SBF2: variants seen among roughly 807,000 people sequenced by gnomAD.
The protein encoded by SBF2 is myotubularin-related protein 13.
SBF2 carries 112 observed loss-of-function variants against 225.2 expected under a neutral mutation model. The observed-to-expected ratio is 0.50, with a 90% CI of 0.43 to 0.58. The LOEUF (loss-of-function observed/expected upper bound fraction) is 0.58. Ranked by LOEUF, SBF2 falls within the 20% of genes least tolerant of loss-of-function variation. The pLI is 0.00. For missense variants in SBF2, 1,996 were observed against 2,206.2 expected (o/e 0.90, Z 1.91); for synonymous variants, 763 against 773.3 (o/e 0.99, Z 0.22).
intron 2 of SBF2, among the ~76,000 whole-genome samples, chr11:10,090,764 C>CCAAAAAAAAAAAAAAAA (rs1951749539): frequency 4.5e-5 from 2 of 44,428 alleles, no homozygotes; most frequent in African/African-American, 1.8e-4. Context: ...GATTCCATCT[C>CCAAAAAAAAAAAAAAAA]AAAAAAAAAA....
intron 16 of SBF2, among the ~76,000 whole-genome samples, chr11:9,940,523 T>C (rs533941550): frequency 3.3e-5 from 5 of 152,328 alleles, no homozygotes; most frequent in Admixed American, 6.5e-5. Flanking sequence ...ACGTATACCA[T>C]TAGTAAGCAG....
intron 6 of SBF2, among the ~76,000 whole-genome samples, chr11:10,003,409 C>T (rs1948058231): frequency 6.7e-6 from 1 of 148,248 alleles, no homozygotes; most frequent in Non-Finnish European, 1.5e-5. Context: ...GCTCTGTCAT[C>T]GAGGTTGGAG....
intron 13 of SBF2, among the ~76,000 whole-genome samples, chr11:9,971,384 C>A (rs1299398979): frequency 6.6e-6 from 1 of 151,870 alleles, no homozygotes; most frequent in East Asian, 1.9e-4. Flanking sequence ...TTAGAAAAAG[C>A]AGGATGCATT....
At chr11:9,814,552 A>G (rs1156790264) in intron 29 of SBF2, among the ~76,000 whole-genome samples, 2 of 152,222 alleles carry the variant, frequency 1.3e-5, no homozygotes, top group Admixed American at 6.5e-5. Flanking sequence ...TTGTGACTGT[A>G]ATTTTATATA....
intron 1 of SBF2, among the ~76,000 whole-genome samples, chr11:10,269,009 T>C (rs1230393638): frequency 1.3e-5 from 2 of 152,196 alleles, no homozygotes; most frequent in African/African-American, 2.4e-5. Flanking sequence ...AAGTGATTTT[T>C]TTTTCCTAAT....
chr11:10,225,115 A>T (rs1958488064), intron 1 of SBF2, among the ~76,000 whole-genome samples: 1 of 152,182 alleles, frequency 6.6e-6, no homozygotes, highest in Non-Finnish European at 1.5e-5. Context: ...AAGTGAACAT[A>T]AAAACATTCC....
intron 2 of SBF2, among the ~76,000 whole-genome samples, chr11:10,181,608 A>T (rs1273875925): frequency 2.6e-5 from 4 of 152,100 alleles, no homozygotes; most frequent in Admixed American, 2.6e-4. Flanking sequence ...CTCCCTTTTT[A>T]GCTTTCATTA....
Position 10,000,921 on chromosome 11 carries a change from T to C in SBF2, c.854A>G (p.His285Arg), listed in dbSNP as rs146971151. Residue 285 changes from histidine (H) to arginine (R), a missense_variant, in exon 8 of 40, where the codon CAT (histidine) becomes CGT (arginine). Physicochemically the swap from His to Arg is conservative, Grantham distance 29. Coordinates refer to ENST00000256190, the MANE Select transcript of SBF2 (RefSeq NM_030962.4). ...GVHSVFKTDV[H>R]ELLDVIIADL... is the part of the protein sequence containing the mutation. ...TTAAAGATGAATACTTACAAGTTCA[T>C]GGACATCAGTTTTAAAGACAGAATG... The C allele has an allele frequency of 4.5e-6, 7 of 1,546,250 alleles. No individual in the cohort carries two copies. Among genetic ancestry groups the C allele is most frequent in the African/African-American group, 1.4e-5 (1 of 73,490 alleles).
At chr11:10,183,058 A>T (rs767519043) in intron 2 of SBF2, among the ~76,000 whole-genome samples, 4 of 152,178 alleles carry the variant, frequency 2.6e-5, no homozygotes, top group Non-Finnish European at 5.9e-5. Context: ...GGCGTGAGCC[A>T]CTGTGCCTGG....
intron 1 of SBF2, among the ~76,000 whole-genome samples, chr11:10,291,577 C>T (rs1964158736): frequency 6.6e-6 from 1 of 152,080 alleles, no homozygotes. Context: ...ATTTCCCACT[C>T]AAGCCAGTGC....
At chr11:10,204,666 A>C (rs973840079) in intron 1 of SBF2, among the ~76,000 whole-genome samples, 8 of 152,016 alleles carry the variant, frequency 5.3e-5, no homozygotes, top group African/African-American at 1.9e-4. Context: ...TCAAAAAAAA[A>C]AAAAGGAATG....
intron 16 of SBF2, among the ~76,000 whole-genome samples, chr11:9,933,860 A>G (rs1864684599): frequency 6.6e-6 from 1 of 152,250 alleles, no homozygotes; most frequent in Admixed American, 6.5e-5. Flanking sequence ...AAAAAAATCA[A>G]TGAATCCAGG....
chr11:10,097,925 A>G (rs1420791557), intron 2 of SBF2, among the ~76,000 whole-genome samples: 2 of 152,068 alleles, frequency 1.3e-5, no homozygotes, highest in African/African-American at 4.8e-5. Flanking sequence ...GACAACACAC[A>G]GAAGACTCGG....
chr11:9,825,104 C>T (rs1159157057), intron 28 of SBF2, among the ~76,000 whole-genome samples: 4 of 152,026 alleles, frequency 2.6e-5, no homozygotes, highest in Admixed American at 1.3e-4. Context: ...TATTAAATCC[C>T]AACCCCCAGT....
chr11:10,253,384 G>C (rs1239513745), intron 1 of SBF2, among the ~76,000 whole-genome samples: 2 of 152,178 alleles, frequency 1.3e-5, no homozygotes, highest in East Asian at 3.8e-4. Flanking sequence ...GCAAGAGATA[G>C]ACGTAAGAAC....
chr11:9,862,435 G>A (rs374869771), intron 17 of SBF2, among the ~76,000 whole-genome samples: 2 of 152,228 alleles, frequency 1.3e-5, no homozygotes, highest in African/African-American at 4.8e-5. Flanking sequence ...TATTTCAGGT[G>A]TTCACTGTGC....
chr11:10,001,130 T>G, intron 7 of SBF2, 108 bp from the exon 8 acceptor site: 1 of 672,022 alleles, frequency 1.5e-6, no homozygotes, highest in East Asian at 2.8e-5. Context: ...TTAGAAATTA[T>G]CAATAATGTT....
intron 1 of SBF2, among the ~76,000 whole-genome samples, chr11:10,266,558 T>C (rs145749352): frequency 9.2e-5 from 14 of 152,244 alleles, no homozygotes; most frequent in Admixed American, 5.2e-4. Context: ...GACATAAACA[T>C]TCCTTTTAAA....
At chr11:10,259,354 T>A (rs1436855998) in intron 1 of SBF2, among the ~76,000 whole-genome samples, 1 of 152,206 alleles carries the variant, frequency 6.6e-6, no homozygotes, top group Non-Finnish European at 1.5e-5. Context: ...AAGGATTAAA[T>A]GAGCTGTCTG....
Sources: allele counts gnomAD v4.1 joint callset (sites outside exome capture counted in the v4.1 genomes callset), GRCh38; gene constraint gnomAD v4.1.1; transcripts MANE v1.5; gene names NCBI Gene and HGNC (gene_info 2026-07-23, HGNC 2026-07-21).